The following SCAF4 variants were observed in gnomAD, a reference collection of about 807,000 sequenced individuals.
The protein encoded by SCAF4 is SR-related and CTD-associated factor 4.
Under a neutral mutation model 129.8 loss-of-function variants are expected in SCAF4, and 25 were observed. The observed-to-expected ratio is 0.19, with a 90% CI of 0.14 to 0.27. The LOEUF is 0.27. Among genes scored for constraint, SCAF4 ranks in the 10% least tolerant of loss-of-function variants. The pLI is 1.00. For synonymous variants in SCAF4, 551 were observed against 497.7 expected (o/e 1.11, Z -1.43); for missense variants, 1,246 against 1,457.1 (o/e 0.86, Z 2.36).
At chr21:31,714,961 A>T (rs1004922255) in intron 1 of SCAF4, among the ~76,000 whole-genome samples, 1 of 152,196 alleles carries the variant, frequency 6.6e-6, no homozygotes, top group Non-Finnish European at 1.5e-5. Flanking sequence ...CCCTTTAAGT[A>T]TGGTATCCTC....
chr21:31,703,097 C>T (rs945043310), intron 4 of SCAF4, among the ~76,000 whole-genome samples: 2 of 152,006 alleles, frequency 1.3e-5, no homozygotes, highest in Non-Finnish European at 1.5e-5. Flanking sequence ...GAATTAAATA[C>T]TGTAGTCTGA....
At chr21:31,687,770 C>A (rs2050160513) in intron 16 of SCAF4, among the ~76,000 whole-genome samples, 1 of 152,124 alleles carries the variant, frequency 6.6e-6, no homozygotes, top group South Asian at 2.1e-4. Context: ...ACTGAATAAT[C>A]TGGATGGATA....
At chr21:31,673,471 A>G (rs2049766111) in intron 19 of SCAF4, among the ~76,000 whole-genome samples, 1 of 131,710 alleles carries the variant, frequency 7.6e-6, no homozygotes. Context: ...AAAATGACCA[A>G]TTGGGAAATG....
chr21:31,711,665 A>T (rs944111198), intron 1 of SCAF4, among the ~76,000 whole-genome samples: 1 of 152,212 alleles, frequency 6.6e-6, no homozygotes, highest in African/African-American at 2.4e-5. Context: ...AATTATTTCA[A>T]ATATATTAGC....
At chr21:31,678,365 A>G (rs1189697568) in intron 19 of SCAF4, among the ~76,000 whole-genome samples, 1 of 152,120 alleles carries the variant, frequency 6.6e-6, no homozygotes, top group Admixed American at 6.5e-5. Flanking sequence ...TCTATCTTCA[A>G]AATATCTTCA....
At chr21:31,682,549 T>C (rs2050021871) in intron 19 of SCAF4, among the ~76,000 whole-genome samples, 1 of 152,202 alleles carries the variant, frequency 6.6e-6, no homozygotes, top group African/African-American at 2.4e-5. Flanking sequence ...ACTAAGTGCC[T>C]GCCCTACAGC....
intron 5 of SCAF4, 62 bp downstream of exon 5, chr21:31,702,182 T>G: frequency 6.2e-7 from 1 of 1,600,264 alleles, no homozygotes; most frequent in South Asian, 1.1e-5. Flanking sequence ...ACATAAACTC[T>G]GACTGTTTCA....
intron 1 of SCAF4, among the ~76,000 whole-genome samples, chr21:31,713,580 C>T (rs939281262): frequency 1.3e-5 from 2 of 152,082 alleles, no homozygotes; most frequent in Non-Finnish European, 2.9e-5. Context: ...TACATAATTC[C>T]TACTGTGTGT....
At chr21:31,697,694 C>A (rs1410535879) in intron 7 of SCAF4, among the ~76,000 whole-genome samples, 1 of 152,200 alleles carries the variant, frequency 6.6e-6, no homozygotes, top group Non-Finnish European at 1.5e-5. Context: ...TATAATAGTT[C>A]TGCCTAGAGA....
chr21:31,730,299 A>G (rs991815606), intron 1 of SCAF4, among the ~76,000 whole-genome samples: 8 of 152,232 alleles, frequency 5.3e-5, no homozygotes, highest in African/African-American at 1.9e-4. Flanking sequence ...ACTAGGACAT[A>G]TTATTTTTAT....
chr21:31,714,113 A>T (rs1338325070), intron 1 of SCAF4, among the ~76,000 whole-genome samples: 2 of 152,126 alleles, frequency 1.3e-5, no homozygotes, highest in Non-Finnish European at 2.9e-5. Flanking sequence ...CCTCATTTGT[A>T]AAAAGGATAT....
chr21:31,712,592 G>A (rs541604512), intron 1 of SCAF4, among the ~76,000 whole-genome samples: 4 of 142,306 alleles, frequency 2.8e-5, no homozygotes, highest in African/African-American at 5.3e-5. Context: ...GCAATGGCGC[G>A]ATCTCGGCTC....
Position 31,671,916 on chromosome 21 carries a change from G to A in SCAF4, c.2927C>T (p.Thr976Ile). ...QPPPSQQPPP[T>I]QQQPQQFRND... ...TCTAAACTGCTGTGGCTGCTGCTGT[G>A]TTGGTGGAGGCTGTTGTGATGGTGG... The change falls in exon 20 of 20, where the codon ACA (threonine) becomes ATA (isoleucine). Residue 976 changes from threonine (T) to isoleucine (I), a missense_variant. By Grantham distance (89) the Thr-to-Ile change is moderately conservative (BLOSUM62 -1). Coordinates refer to ENST00000286835, the MANE Select transcript of SCAF4 (RefSeq NM_020706.2). The A allele has an allele frequency of 1.2e-6, 2 of 1,613,042 alleles. No individual in the cohort carries two copies. Among genetic ancestry groups the A allele is most frequent in the Non-Finnish European group, 1.7e-6 (2 of 1,179,244 alleles).
intron 1 of SCAF4, among the ~76,000 whole-genome samples, chr21:31,713,080 T>C (rs1318216539): frequency 6.6e-6 from 1 of 152,212 alleles, no homozygotes; most frequent in East Asian, 1.9e-4. Context: ...CAAAATGAAC[T>C]TGTTAGTTGT....
chr21:31,681,186 C>T (rs1161838252), intron 19 of SCAF4, among the ~76,000 whole-genome samples: 1 of 152,190 alleles, frequency 6.6e-6, no homozygotes, highest in Non-Finnish European at 1.5e-5. Flanking sequence ...CCATCAGCTA[C>T]AGTAGTGTGA....
intron 1 of SCAF4, among the ~76,000 whole-genome samples, chr21:31,714,843 A>G (rs1162824716): frequency 2.0e-5 from 3 of 151,734 alleles, no homozygotes; most frequent in South Asian, 4.1e-4. Flanking sequence ...TACCTAACAC[A>G]TAAGTGCTGA....
At chr21:31,695,736 C>A (rs1304163385) in intron 9 of SCAF4, among the ~76,000 whole-genome samples, 1 of 152,148 alleles carries the variant, frequency 6.6e-6, no homozygotes, top group Non-Finnish European at 1.5e-5. Flanking sequence ...CCTTTTATTG[C>A]GGATTTCAAA....
At chr21:31,711,748 T>C (rs1047370119) in intron 1 of SCAF4, among the ~76,000 whole-genome samples, 3 of 152,118 alleles carry the variant, frequency 2.0e-5, no homozygotes, top group Non-Finnish European at 4.4e-5. Flanking sequence ...AAAATTGCAA[T>C]GTGGACCCAA....
intron 19 of SCAF4, among the ~76,000 whole-genome samples, chr21:31,682,001 T>C (rs979910916): frequency 6.6e-6 from 1 of 152,152 alleles, no homozygotes; most frequent in African/African-American, 2.4e-5. Flanking sequence ...AGATATCTAG[T>C]AGGTGTGCTA....
Sources: gnomAD v4.1 joint callset for allele counts (sites outside exome capture counted in the v4.1 genomes callset) on GRCh38, gnomAD v4.1.1 for gene constraint, MANE v1.5 for transcripts, NCBI Gene and HGNC (gene_info 2026-07-23, HGNC 2026-07-21) for gene names.